Variants in RPL3L observed in about 807,000 individuals in gnomAD.
RPL3L encodes ribosomal protein L3 like, also known as ribosomal protein uL3-like.
A neutral mutation model predicts 44.5 loss-of-function variants in RPL3L; 44 were observed. That is an observed-to-expected ratio of 0.99 (90% CI 0.78 to 1.27). The LOEUF is 1.27. Among genes scored for constraint, RPL3L ranks in the 50% most tolerant of loss-of-function variants. The pLI is 0.00. For synonymous variants in RPL3L, 292 were observed against 230.7 expected (o/e 1.27, Z -2.41); for missense variants, 631 against 569.1 (o/e 1.11, Z -1.11).
Position 1,947,312 on chromosome 16 carries a change from C to T in RPL3L, c.570G>A (p.Val190=), listed in dbSNP as rs755198076. ...CCTGGGCCCAGGCCACCTTCTCGGC[C>T]ACCGTGCCACCGTTCAGCTGGATCT... ...IMEIQLNGGT[V]AEKVAWAQAR... The change falls in exon 5 of 10, where the codon GTG becomes GTA. Residue 190 remains valine, a synonymous_variant. Coordinates refer to ENST00000268661, the MANE Select transcript of RPL3L (RefSeq NM_005061.3). The T allele has an allele frequency of 1.9e-6, 3 of 1,612,054 alleles. No homozygotes were observed. The highest frequency in any genetic ancestry group is 1.7e-5 in the Admixed American group (1 of 59,936).
At position 1,944,803 on chromosome 16, in the gene RPL3L, C is replaced by T. The variant is rs147225960; in HGVS notation, c.*34G>A. The T allele has an allele frequency of 2.3e-5, 37 of 1,613,194 alleles. No individual in the cohort carries two copies. Among genetic ancestry groups the T allele is most frequent in the East Asian group, 6.7e-5 (3 of 44,864 alleles). On this transcript the variant is annotated 3_prime_UTR_variant, in exon 10 of 10. Coordinates refer to ENST00000268661, the MANE Select transcript of RPL3L (RefSeq NM_005061.3). ...TTGTTAGACATTGGGGCAGACAGTG[C>T]GGTGCGCTTCAGGGTTCATCCACCC...
intron 2 of RPL3L, 118 bp from the exon 3 acceptor site, chr16:1,953,160 A>G: frequency 6.6e-6 from 7 of 1,056,062 alleles, no homozygotes; most frequent in Non-Finnish European, 9.4e-6. Context: ...CCAGGACAGC[A>G]TTCCCCAGAG....
chr16:1,948,306 C>T (rs182822593), intron 4 of RPL3L, among the ~76,000 whole-genome samples: 6 of 152,138 alleles, frequency 3.9e-5, no homozygotes, highest in South Asian at 2.1e-4. Flanking sequence ...TCACTGCAAC[C>T]TCTGCCTCCC....
chr16:1,948,462 C>T (rs56403493), intron 4 of RPL3L, among the ~76,000 whole-genome samples: 26,433 of 151,790 alleles, frequency 0.17, 3,348 homozygotes, highest in African/African-American at 0.35. Context: ...TGACTTCAAG[C>T]GATCCACCCA....
Position 1,947,027 on chromosome 16 carries a change from T to G in RPL3L, c.760A>C (p.Ile254Leu). ...ACGCGGGCGGGGTGCCAGGCGCCAA[T>G]GCAGGCCACCTTGCGCAGGCCCTTA... ...THKGLRKVAC[I>L]GAWHPARVGC... Residue 254 changes from isoleucine to leucine, a missense_variant, in exon 6 of 10, where the codon ATT (isoleucine) becomes CTT (leucine). Physicochemically the swap from Ile to Leu is conservative, Grantham distance 5. Transcript: ENST00000268661. 1 of 1,612,842 alleles carries G rather than the reference T, an allele frequency of 6.2e-7. No individual in the cohort carries two copies. The highest frequency in any genetic ancestry group is 8.5e-7 in the Non-Finnish European group (1 of 1,179,852).
rs140950130 is a variant in RPL3L, at chr16:1,944,858, C to T, written c.1203G>A (p.Pro401=). 2.1e-5 allele frequency: 34 copies of T among 1,614,076 alleles called. No homozygotes were observed. Among genetic ancestry groups the T allele is most frequent in the African/African-American group, 1.7e-4 (13 of 75,044 alleles). ...CAGCCTACAAGTCTCCCGAGGTCTC[C>T]GGCGTTTCCTTCTCCAGATGCTTCT... ...PQKKHLEKET[P]ETSGDL The change falls in exon 10 of 10, where the codon CCG becomes CCA. Residue 401 remains proline (P), a synonymous_variant. Transcript: ENST00000268661.
chr16:1,947,372 C>T lies in RPL3L; in HGVS notation c.510G>A (p.Leu170=), dbSNP rs2083131944. ...IRVIVHTQMK[L]LPFRQKKAHI... is the part of the protein sequence containing the mutation. ...GGGCCTTCTTCTGCCGGAAGGGCAG[C>T]AGTTTCATCTGCAGGACATGGCCGG... The change falls in exon 5 of 10, where the codon CTG becomes CTA. Residue 170 remains leucine, a synonymous_variant. Transcript: ENST00000268661. The T allele has an allele frequency of 1.3e-6, 2 of 1,583,580 alleles. No individual in the cohort carries two copies. The highest frequency in any genetic ancestry group is 1.1e-5 in the South Asian group (1 of 88,546).
chr16:1,946,799 C>A, intron 6 of RPL3L, 73 bp from the exon 7 acceptor site: 2 of 1,591,378 alleles, frequency 1.3e-6, no homozygotes, highest in Admixed American at 1.7e-5. Context: ...GCCCATCCGC[C>A]CACATGCTCA....
At chr16:1,946,113 G>A (rs2083119389) in intron 7 of RPL3L, among the ~76,000 whole-genome samples, 183 bp from the exon 8 acceptor site, 2 of 152,226 alleles carry the variant, frequency 1.3e-5, no homozygotes, top group Non-Finnish European at 2.9e-5. Flanking sequence ...CACAAGCTAA[G>A]TCCTTTTCAT....
At position 1,950,849 on chromosome 16, in the gene RPL3L, T is replaced by C. The variant is rs2083167133; in HGVS notation, c.496A>G (p.Thr166Ala). The change falls in exon 4 of 10, where the codon ACT (threonine) becomes GCT (alanine). Residue 166 changes from threonine to alanine, a missense_variant. By Grantham distance (58) the Thr-to-Ala change is moderately conservative. Coordinates refer to ENST00000268661, the MANE Select transcript of RPL3L (RefSeq NM_005061.3). Reference protein sequence around the residue: ...YCKVIRVIVHTQMKLLPFRQK... With the variant: ...YCKVIRVIVHAQMKLLPFRQK... ...GCGGAGGGCCGGGGGCTGACCTGAGTGTGGACAATGACCCGAATGACCTTG... is the reference window on the plus strand; with the variant it reads ...GCGGAGGGCCGGGGGCTGACCTGAGCGTGGACAATGACCCGAATGACCTTG... 3.1e-6 allele frequency: 5 copies of C among 1,613,878 alleles called. No individual in the cohort carries two copies. In the African/African-American group the frequency reaches 4.0e-5, roughly 13 times the overall value.
At position 1,945,943 on chromosome 16, in the gene RPL3L, C is replaced by G. The variant is rs1487729888; in HGVS notation, c.952-13G>C. ...GGGGGAAGCCACCCTGCAGAGGACA[C>G]AGGTCAGAGGCCAGGCCCGGAAAGG... On this transcript the variant is annotated splice_polypyrimidine_tract_variant and intron_variant, in intron 7 of 9. Transcript: ENST00000268661. The G allele has an allele frequency of 1.2e-6, 2 of 1,603,308 alleles. No individual in the cohort carries two copies. The highest frequency in any genetic ancestry group is 1.7e-6 in the Non-Finnish European group (2 of 1,174,638).
At chr16:1,951,035 C>A in intron 3 of RPL3L, 56 bp from the exon 4 acceptor site, 1 of 1,583,740 alleles carries the variant, frequency 6.3e-7, no homozygotes. Context: ...GCTCCCCAGG[C>A]CTATCCTGCC....
chr16:1,954,573 AC>A (rs752240714), intron 1 of RPL3L, 55 bp downstream of exon 1: 155 of 1,308,344 alleles, frequency 1.2e-4, no homozygotes, highest in Admixed American at 2.2e-4. Flanking sequence ...CAGCTGTCCC[AC>A]CCCCCCAGAG....
intron 8 of RPL3L, 106 bp from the exon 9 acceptor site, chr16:1,945,724 G>A (rs1185920874): frequency 1.2e-6 from 2 of 1,602,672 alleles, no homozygotes; most frequent in Admixed American, 1.7e-5. Context: ...GTTCCTACCA[G>A]AGCCCTCCCC....
At position 1,947,332 on chromosome 16, in the gene RPL3L, G is replaced by A. The variant is rs764864813; in HGVS notation, c.550C>T (p.Gln184Ter). Reference protein sequence around the residue: ...RQKKAHIMEIQLNGGTVAEKV... With the variant: ...RQKKAHIMEI The stretch of plus-strand genomic sequence containing the variant: ...TCGGCCACCGTGCCACCGTTCAGCT[G>A]GATCTCCATGATGTGGGCCTTCTTC... Residue 184 changes from glutamine to a stop codon, truncating the protein, a stop_gained, in exon 5 of 10, where the codon CAG (glutamine) becomes TAG (stop). Transcript: ENST00000268661. LOFTEE classifies it high-confidence loss of function. 1.2e-6 allele frequency: 2 copies of A among 1,608,986 alleles called. No individual in the cohort carries two copies. The highest frequency in any genetic ancestry group is 1.7e-6 in the Non-Finnish European group (2 of 1,178,584).
Position 1,953,068 on chromosome 16 carries a change from T to C in RPL3L, c.197-26A>G, listed in dbSNP as rs376473697. On this transcript the variant is annotated intron_variant, in intron 2 of 9. Coordinates refer to ENST00000268661, the MANE Select transcript of RPL3L (RefSeq NM_005061.3). ...CTGGATGAGACACAGGGATGGGGCA[T>C]GAAGGGGGACCTCCTGAGGCCTGTG... is the stretch of plus-strand genomic sequence containing the variant. The C allele has an allele frequency of 2.6e-6, 4 of 1,568,360 alleles. No individual in the cohort carries two copies. The African/African-American group carries it at 4.1e-5, about 16-fold the overall frequency.
At chr16:1,951,055 C>A (rs2083168989) in intron 3 of RPL3L, 76 bp from the exon 4 acceptor site, 2 of 1,552,060 alleles carry the variant, frequency 1.3e-6, no homozygotes, top group Admixed American at 1.9e-5. Flanking sequence ...CCCCACCTCA[C>A]CCCCAGCCCA....
chr16:1,948,836 C>T (rs1353371301), intron 4 of RPL3L, among the ~76,000 whole-genome samples: 2 of 152,094 alleles, frequency 1.3e-5, no homozygotes, highest in Admixed American at 6.5e-5. Context: ...CTACCTCAGC[C>T]TCCCGAGTAG....
At chr16:1,954,606 AC>A in intron 1 of RPL3L, 22 bp downstream of exon 1, 1 of 1,412,170 alleles carries the variant, frequency 7.1e-7, no homozygotes, top group Non-Finnish European at 9.5e-7. Context: ...ACCCCAGCCC[AC>A]CCTCACCCTG....
Sources: allele counts gnomAD v4.1 joint callset (sites outside exome capture counted in the v4.1 genomes callset), GRCh38; gene constraint gnomAD v4.1.1; transcripts MANE v1.5; gene names NCBI Gene and HGNC (gene_info 2026-07-23, HGNC 2026-07-21).